SLC9C1: variants seen among roughly 807,000 people sequenced by gnomAD.
SLC9C1 encodes solute carrier family 9 member C1.
SLC9C1 carries 97 observed loss-of-function variants against 140.9 expected under a neutral mutation model. The ratio of observed to expected loss-of-function variants is 0.69; its 90% CI spans 0.58 to 0.82. The LOEUF (loss-of-function observed/expected upper bound fraction) is 0.82. SLC9C1 is among the 40% of genes least tolerant of loss of function. The probability of loss-of-function intolerance (pLI) is 0.00; values close to 1 mark genes in which losing one functional copy is unlikely to be tolerated. For synonymous variants in SLC9C1, 440 were observed against 442.6 expected, an observed-to-expected ratio of 0.99 and a Z score of 0.07; for missense variants, 1,340 against 1,389.3, an observed-to-expected ratio of 0.96 and a Z score of 0.56.
In SLC9C1 at chr3:112,182,671, TTCAC is replaced by T. The variant is rs1453897457; in HGVS notation, c.2524-417_2524-414del. 3.3e-5 allele frequency among the ~76,000 whole-genome samples: 5 copies of T among 152,298 alleles called. 1 individual carries two copies. Among genetic ancestry groups the T allele is most frequent in the East Asian group, 3.8e-4 (2 of 5,196 alleles). The stretch of plus-strand genomic sequence containing the variant: ...AAAAAAAGTGTACAAGTCATAAATG[TTCAC>T]TCAAAGAATATTACAAAGTAAAAAC... On this transcript the variant is annotated intron_variant, in intron 20 of 28. Transcript: ENST00000305815.
chr3:112,189,193 G>A (rs2077599632), intron 20 of SLC9C1, among the ~76,000 whole-genome samples: 1 of 152,210 alleles, frequency 6.6e-6, no homozygotes, highest in South Asian at 2.1e-4. Flanking sequence ...TGTTCACTCT[G>A]ATGGTAGTTT....
Position 112,141,081 on chromosome 3 carries a change from A to G in SLC9C1, c.*191T>C, listed in dbSNP as rs555014064. ...AAATAACAAATATTTTAAATCAAGG[A>G]AATTTTGCAAAAAGTATATATGTTG... On this transcript the variant is annotated 3_prime_UTR_variant, in exon 29 of 29. Transcript: ENST00000305815. 1.5e-4 allele frequency: 65 copies of G among 428,742 alleles called. No homozygotes were observed. The highest frequency in any genetic ancestry group is 2.7e-4 in the Non-Finnish European group (65 of 240,678). 26.6% of individuals were successfully genotyped at this position (428,742 alleles called of 1,614,324 possible).
intron 10 of SLC9C1, among the ~76,000 whole-genome samples, chr3:112,262,408 GCT>G (rs1427232833): frequency 6.8e-6 from 1 of 145,988 alleles, no homozygotes; most frequent in Admixed American, 7.0e-5. Context: ...AGCATCAGAT[GCT>G]CTGTGATATC....
chr3:112,208,252 C>T lies in SLC9C1; in HGVS notation c.1912G>A (p.Val638Ile). 6.2e-7 allele frequency: 1 copy of T among 1,612,026 alleles called. No individual in the cohort carries two copies. The highest frequency in any genetic ancestry group is 1.1e-5 in the South Asian group (1 of 90,854). Residue 638 changes from valine to isoleucine, a missense_variant, in exon 16 of 29, where the codon GTA (valine) becomes ATA (isoleucine). By Grantham distance (29) the Val-to-Ile change is conservative. Transcript: ENST00000305815. ...TGTTTTAATTCGCTGTGGTAGATTA[C>T]ATTTAACTGGGATATCCAAGAGATT... Reference protein sequence around the residue: ...FIISWISQLNVIYHSELKHTN... With the variant: ...FIISWISQLNIIYHSELKHTN...
chr3:112,188,426 C>T (rs964373582), intron 20 of SLC9C1, among the ~76,000 whole-genome samples: 8 of 146,428 alleles, frequency 5.5e-5, no homozygotes, highest in African/African-American at 1.3e-4. Context: ...TGATGTTCCT[C>T]GCCCTGTGTC....
Position 112,286,701 on chromosome 3 carries a change from T to C in SLC9C1, c.88+3A>G. On this transcript the variant is annotated splice_donor_region_variant and intron_variant, in intron 2 of 28. Coordinates refer to ENST00000305815, the MANE Select transcript of SLC9C1 (RefSeq NM_183061.3). ...ACTCAGATAAAGAGAGAGTGATACT[T>C]ACCTCCAATGGAGCTGATCAAAGAC... 6.2e-7 allele frequency: 1 copy of C among 1,608,402 alleles called. No individual in the cohort carries two copies. Among genetic ancestry groups the C allele is most frequent in the Non-Finnish European group, 8.5e-7 (1 of 1,177,296 alleles).
chr3:112,165,958 C>G (rs1373085085), intron 26 of SLC9C1, among the ~76,000 whole-genome samples: 1 of 152,204 alleles, frequency 6.6e-6, no homozygotes, highest in East Asian at 1.9e-4. Flanking sequence ...CCTACTCAAG[C>G]CTAAGCAATG....
chr3:112,197,647 A>G (rs1158476141), intron 20 of SLC9C1, among the ~76,000 whole-genome samples: 1 of 152,184 alleles, frequency 6.6e-6, no homozygotes, highest in African/African-American at 2.4e-5. Context: ...TAGTTACATC[A>G]GACAGATTTT....
chr3:112,279,203 G>C (rs566822606), intron 3 of SLC9C1, among the ~76,000 whole-genome samples: 1 of 152,284 alleles, frequency 6.6e-6, no homozygotes, highest in East Asian at 1.9e-4. Flanking sequence ...AGTACCTACT[G>C]TGTTAGGTAA....
chr3:112,217,477 C>T lies in SLC9C1; in HGVS notation c.1755G>A (p.Val585=). 6.2e-7 allele frequency: 1 copy of T among 1,607,094 alleles called. No homozygotes were observed. The highest frequency in any genetic ancestry group is 1.7e-4 in the Middle Eastern group (1 of 6,020). Residue 585 remains valine (V), a synonymous_variant, in exon 15 of 29, where the codon GTG becomes GTA. Coordinates refer to ENST00000305815, the MANE Select transcript of SLC9C1 (RefSeq NM_183061.3). The stretch of plus-strand genomic sequence containing the variant: ...CCTCTTTTTCCTTTCTGGTATTATA[C>T]ACCCAATTAAGTAGTAGTTTTCTAG... ...TFARKLLLNW[V]YNTRKEKEGP...
intron 23 of SLC9C1, among the ~76,000 whole-genome samples, chr3:112,170,795 T>C (rs2077231501): frequency 6.6e-6 from 1 of 152,208 alleles, no homozygotes; most frequent in South Asian, 2.1e-4. Context: ...TTTTTGTGTG[T>C]AGTATAGGAC....
At chr3:112,242,764 C>T (rs1180697590) in intron 11 of SLC9C1, among the ~76,000 whole-genome samples, 1 of 152,080 alleles carries the variant, frequency 6.6e-6, no homozygotes, top group African/African-American at 2.4e-5. Context: ...ACATTCTATA[C>T]CCGTATCAAA....
At chr3:112,209,025 T>TA (rs1478767525) in intron 15 of SLC9C1, among the ~76,000 whole-genome samples, 1 of 152,170 alleles carries the variant, frequency 6.6e-6, no homozygotes, top group East Asian at 1.9e-4. Context: ...GAAATGTAGA[T>TA]AAAAAGATTT....
intron 20 of SLC9C1, among the ~76,000 whole-genome samples, chr3:112,189,222 T>C (rs923703061): frequency 1.6e-4 from 25 of 152,254 alleles, no homozygotes; most frequent in African/African-American, 6.0e-4. Flanking sequence ...GTGCAGAAGC[T>C]CTTTAGTTTA....
intron 22 of SLC9C1, among the ~76,000 whole-genome samples, chr3:112,179,948 C>T (rs1268808499): frequency 6.6e-6 from 1 of 152,144 alleles, no homozygotes; most frequent in Non-Finnish European, 1.5e-5. Flanking sequence ...TTTAGGATGG[C>T]TAAATCTCTA....
intron 10 of SLC9C1, among the ~76,000 whole-genome samples, chr3:112,251,723 T>G (rs1374687984): frequency 6.6e-6 from 1 of 152,134 alleles, no homozygotes; most frequent in Non-Finnish European, 1.5e-5. Context: ...TTTCATAGCC[T>G]TAGCCATTGT....
At chr3:112,269,224 C>T (rs1576488447) in intron 7 of SLC9C1, among the ~76,000 whole-genome samples, 1 of 152,288 alleles carries the variant, frequency 6.6e-6, no homozygotes, top group East Asian at 1.9e-4. Context: ...ATCCTCCCGC[C>T]TCAGGCTCCT....
At chr3:112,160,091 C>G (rs536833823) in intron 26 of SLC9C1, among the ~76,000 whole-genome samples, 3 of 151,808 alleles carry the variant, frequency 2.0e-5, no homozygotes, top group Non-Finnish European at 2.9e-5. Flanking sequence ...TAGGGACTTA[C>G]TACTGCCATT....
At chr3:112,226,287 A>T (rs1424078320) in intron 13 of SLC9C1, among the ~76,000 whole-genome samples, 1 of 152,170 alleles carries the variant, frequency 6.6e-6, no homozygotes, top group East Asian at 1.9e-4. Context: ...TTCCTCAACC[A>T]CTGATAGATC....
Sources: gnomAD v4.1 joint callset for allele counts (sites outside exome capture counted in the v4.1 genomes callset) on GRCh38, gnomAD v4.1.1 for gene constraint, MANE v1.5 for transcripts, NCBI Gene and HGNC (gene_info 2026-07-23, HGNC 2026-07-21) for gene names.